The following TEAD1 variants were observed in gnomAD, a reference collection of about 807,000 sequenced individuals.
TEAD1 encodes the protein transcriptional enhancer factor TEF-1.
Under a neutral mutation model 54.9 loss-of-function variants are expected in TEAD1, and 9 were observed. The ratio of observed to expected loss-of-function variants is 0.16; its 90% CI spans 0.10 to 0.29. The LOEUF is 0.29. Ranked by LOEUF, TEAD1 falls within the 10% of genes least tolerant of loss-of-function variation. The pLI is 1.00. For synonymous variants in TEAD1, 200 were observed against 187.8 expected (o/e 1.07, Z -0.53); for missense variants, 387 against 535.9 (o/e 0.72, Z 2.74).
chr11:12,686,106 C>A (rs1408228203), intron 2 of TEAD1, among the ~76,000 whole-genome samples: 1 of 152,126 alleles, frequency 6.6e-6, no homozygotes, highest in East Asian at 1.9e-4. Flanking sequence ...TGGTATAATC[C>A]TGGTTTATGT....
chr11:12,722,515 T>C (rs765043375), intron 2 of TEAD1, among the ~76,000 whole-genome samples: 5 of 152,152 alleles, frequency 3.3e-5, no homozygotes, highest in African/African-American at 9.7e-5. Context: ...AGGCAGAGTA[T>C]AGGATAGAGA....
intron 10 of TEAD1, among the ~76,000 whole-genome samples, chr11:12,916,136 C>A (rs142781823): frequency 6.6e-6 from 1 of 152,138 alleles, no homozygotes; most frequent in South Asian, 2.1e-4. Flanking sequence ...ACTCAACACA[C>A]GTGTTAATGA....
At chr11:12,821,644 A>G (rs1253848278) in intron 3 of TEAD1, among the ~76,000 whole-genome samples, 2 of 152,196 alleles carry the variant, frequency 1.3e-5, no homozygotes, top group African/African-American at 4.8e-5. Context: ...GTGTAGGAAC[A>G]TCTTAATTAA....
chr11:12,839,395 A>G (rs1946977529), intron 3 of TEAD1, among the ~76,000 whole-genome samples: 1 of 152,166 alleles, frequency 6.6e-6, no homozygotes, highest in Admixed American at 6.5e-5. Flanking sequence ...TCGGTGACAG[A>G]GTGAGATTCT....
At chr11:12,870,518 G>T (rs988318102) in intron 5 of TEAD1, among the ~76,000 whole-genome samples, 2 of 152,112 alleles carry the variant, frequency 1.3e-5, no homozygotes, top group African/African-American at 2.4e-5. Context: ...AGTGATTTTG[G>T]AAATTAAATT....
intron 9 of TEAD1, among the ~76,000 whole-genome samples, chr11:12,892,227 C>G (rs958450797): frequency 1.3e-5 from 2 of 152,090 alleles, no homozygotes; most frequent in African/African-American, 2.4e-5. Context: ...CAGATCCTTT[C>G]TTGGTTTGGA....
intron 5 of TEAD1, among the ~76,000 whole-genome samples, chr11:12,876,883 G>A (rs549155467): frequency 2.6e-4 from 40 of 152,308 alleles, no homozygotes; most frequent in African/African-American, 8.9e-4. Context: ...TACCCTCTGA[G>A]GGGATGGACA....
intron 3 of TEAD1, among the ~76,000 whole-genome samples, chr11:12,817,451 G>C (rs1028162914): frequency 6.6e-6 from 1 of 152,100 alleles, no homozygotes; most frequent in Non-Finnish European, 1.5e-5. Flanking sequence ...TTTGCCAGAT[G>C]TAAACATTTT....
At chr11:12,715,181 A>T (rs998138316) in intron 2 of TEAD1, among the ~76,000 whole-genome samples, 1 of 152,050 alleles carries the variant, frequency 6.6e-6, no homozygotes, top group Admixed American at 6.5e-5. Context: ...CATCTAACTT[A>T]GTATGATTTT....
At chr11:12,730,694 CTTTTTTTTTTTTTT>C (rs71313457) in intron 2 of TEAD1, among the ~76,000 whole-genome samples, 2 of 65,640 alleles carry the variant, frequency 3.0e-5, no homozygotes, top group Non-Finnish European at 5.4e-5. Flanking sequence ...CTACATAGCT[CTTTTTTTTTTTTTT>C]TTTTTTTTTG....
chr11:12,792,242 G>A (rs1945818543), intron 3 of TEAD1, among the ~76,000 whole-genome samples: 1 of 151,496 alleles, frequency 6.6e-6, no homozygotes, highest in African/African-American at 2.4e-5. Flanking sequence ...ATAACTCTCT[G>A]TTCTGGGATA....
Position 12,674,720 on chromosome 11 carries a change from CG to C in TEAD1, c.-319del, listed in dbSNP as rs1943037184. 1 of 150,906 alleles carries C rather than the reference CG, an allele frequency of 6.6e-6. No homozygotes were observed. Among genetic ancestry groups the C allele is most frequent in the Non-Finnish European group, 1.5e-5 (1 of 67,628 alleles). 9.3% of individuals were successfully genotyped at this position (150,906 alleles called of 1,614,324 possible). ...CGGTGCTAGGCAGGGGTGGGGTGGC[CG>C]GGCCCAGGGACCGGGAGCCGGGGAG... On this transcript the variant is annotated 5_prime_UTR_variant, in exon 1 of 13. Coordinates refer to ENST00000527636, the MANE Select transcript of TEAD1 (RefSeq NM_021961.6).
intron 10 of TEAD1, among the ~76,000 whole-genome samples, chr11:12,918,636 C>A (rs1948755984): frequency 6.6e-6 from 1 of 152,118 alleles, no homozygotes; most frequent in Non-Finnish European, 1.5e-5. Context: ...CGAGTAATTA[C>A]ACTCCTAGGA....
chr11:12,681,579 G>A (rs1295292661), intron 2 of TEAD1, among the ~76,000 whole-genome samples: 5 of 152,188 alleles, frequency 3.3e-5, no homozygotes, highest in Non-Finnish European at 5.9e-5. Flanking sequence ...GGATTGGTAG[G>A]GGAACTCTTG....
chr11:12,913,683 T>G (rs990734928), intron 10 of TEAD1, among the ~76,000 whole-genome samples: 1 of 152,242 alleles, frequency 6.6e-6, no homozygotes, highest in African/African-American at 2.4e-5. Flanking sequence ...AGTGAATACT[T>G]TTTTGGTGTA....
intron 2 of TEAD1, among the ~76,000 whole-genome samples, chr11:12,690,273 CTTAA>C (rs1943429924): frequency 6.6e-6 from 1 of 151,604 alleles, no homozygotes; most frequent in African/African-American, 2.4e-5. Flanking sequence ...ATAATAAGCC[CTTAA>C]TGTCAAATAT....
chr11:12,869,360 C>A (rs1273214882), intron 5 of TEAD1, among the ~76,000 whole-genome samples: 1 of 152,154 alleles, frequency 6.6e-6, no homozygotes, highest in Non-Finnish European at 1.5e-5. Context: ...ACTTAGCACT[C>A]ATCCTTGGCT....
Position 12,881,903 on chromosome 11 carries a change from C to G in TEAD1, c.520C>G (p.Pro174Ala). The G allele has an allele frequency of 1.2e-6, 2 of 1,614,206 alleles. No homozygotes were observed. The highest frequency in any genetic ancestry group is 1.7e-6 in the Non-Finnish European group (2 of 1,180,030). Residue 174 changes from proline to alanine, a missense_variant, in exon 8 of 13, where the codon CCT (proline) becomes GCT (alanine). This residue lies in a region of TEAD1 where 180 missense variants were observed against 180.6 expected (regional missense o/e 1.00). Coordinates refer to ENST00000527636, the MANE Select transcript of TEAD1 (RefSeq NM_021961.6). ...CCATCTCTCTGTTCCCAGCGTCAAG[C>G]CTTTTGTGCAGCAGGCCTACCCCAT...
intron 3 of TEAD1, among the ~76,000 whole-genome samples, chr11:12,803,102 AT>A (rs144981643): frequency 6.3e-4 from 92 of 146,494 alleles, no homozygotes; most frequent in Middle Eastern, 3.5e-3. Flanking sequence ...TTTCACCTGT[AT>A]TTTTTTTTTT....
Sources: gnomAD v4.1 joint callset for allele counts (sites outside exome capture counted in the v4.1 genomes callset) on GRCh38, gnomAD v4.1.1 for gene constraint, gnomAD v4.1.1 regional missense constraint, MANE v1.5 for transcripts, NCBI Gene and HGNC (gene_info 2026-07-23, HGNC 2026-07-21) for gene names.